SCN3A: variants seen among roughly 807,000 people sequenced by gnomAD.
The protein encoded by SCN3A is sodium voltage-gated channel alpha subunit 3, also known as sodium channel protein type 3 subunit alpha.
SCN3A carries 60 observed loss-of-function variants against 187.6 expected under a neutral mutation model. The observed-to-expected ratio is 0.32, with a 90% CI of 0.26 to 0.40. The LOEUF (loss-of-function observed/expected upper bound fraction) is 0.40, where lower values mean the gene tolerates loss of function less well. Among genes scored for constraint, SCN3A ranks in the 10% least tolerant of loss-of-function variants. The pLI, the probability that SCN3A is intolerant of heterozygous loss-of-function variation, is 1.00. For synonymous variants in SCN3A, 788 were observed against 829.2 expected (o/e 0.95, Z 0.85); for missense variants, 1,601 against 2,428.2 (o/e 0.66, Z 7.16).
At chr2:165,097,615 G>A (rs1322596334) in intron 22 of SCN3A, 91 bp from the exon 23 acceptor site, 8 of 1,484,050 alleles carry the variant, frequency 5.4e-6, no homozygotes, top group Non-Finnish European at 7.4e-6. Flanking sequence ...ATATGTGCTT[G>A]AAAAGAGTTA....
intron 2 of SCN3A, among the ~76,000 whole-genome samples, chr2:165,184,638 A>G (rs565962537): frequency 6.6e-6 from 1 of 152,296 alleles, no homozygotes; most frequent in South Asian, 2.1e-4. Context: ...AATGAGTGGT[A>G]TAATCTAAGA....
At position 165,129,869 on chromosome 2, in the gene SCN3A, T is replaced by C. The variant is rs1687208694; in HGVS notation, c.2922+71A>G. Reference sequence around the variant, plus strand: ...TACTATAAACCAGAGATATGTTTACTACATCTGGCCACGTTCCTAGCTACT... The same window carrying C: ...TACTATAAACCAGAGATATGTTTACCACATCTGGCCACGTTCCTAGCTACT... On this transcript the variant is annotated intron_variant, in intron 17 of 27. Coordinates refer to ENST00000283254, the MANE Select transcript of SCN3A (RefSeq NM_006922.4). The C allele has an allele frequency of 5.7e-6, 9 of 1,582,530 alleles. No homozygotes were observed. In the South Asian group the frequency reaches 1.0e-4, roughly 17 times the overall value.
chr2:165,089,084 A>T lies in SCN3A; in HGVS notation c.*1066T>A, dbSNP rs986319689. The T allele has an allele frequency of 1.3e-5, 2 of 152,566 alleles. No homozygotes were observed. The highest frequency in any genetic ancestry group is 2.4e-5 in the African/African-American group (1 of 41,450). 9.5% of individuals were successfully genotyped at this position (152,566 alleles called of 1,614,324 possible). ...TAACATGCATTAGTGATAGCCTTTAAACTATGTTTAATGAATGATACAGGA... is the reference window on the plus strand; with the variant it reads ...TAACATGCATTAGTGATAGCCTTTATACTATGTTTAATGAATGATACAGGA... On this transcript the variant is annotated 3_prime_UTR_variant, in exon 28 of 28. Coordinates refer to ENST00000283254, the MANE Select transcript of SCN3A (RefSeq NM_006922.4).
chr2:165,164,302 G>C, intron 6 of SCN3A, 90 bp downstream of exon 6: 1 of 1,529,612 alleles, frequency 6.5e-7, no homozygotes, highest in Non-Finnish European at 9.0e-7. Flanking sequence ...TAACAAGAAA[G>C]CTCTACATTT....
chr2:165,140,970 A>C lies in SCN3A; in HGVS notation c.1700T>G (p.Phe567Cys), dbSNP rs1263982159. The C allele has an allele frequency of 1.2e-6, 2 of 1,613,940 alleles. No homozygotes were observed. Among genetic ancestry groups the C allele is most frequent in the African/African-American group, 2.7e-5 (2 of 74,908 alleles). The change falls in exon 13 of 28, where the codon TTT becomes TGT. Residue 567 changes from phenylalanine to cysteine, a missense_variant. Phe to Cys is a radical substitution (Grantham distance 205). Coordinates refer to ENST00000283254, the MANE Select transcript of SCN3A (RefSeq NM_006922.4). The surrounding 1 kb of genome is among the most constrained non-coding windows in gnomAD (Gnocchi z 4.2). ...TGTTTTGCTATTGCGTCTTGGGGAAAACAGGGAGCCACGGATACTCAAGAG... is the reference window on the plus strand; with the variant it reads ...TGTTTTGCTATTGCGTCTTGGGGAACACAGGGAGCCACGGATACTCAAGAG... Reference protein sequence around the residue: ...QSLLSIRGSLFSPRRNSKTSI... With the variant: ...QSLLSIRGSLCSPRRNSKTSI...
At position 165,117,240 on chromosome 2, in the gene SCN3A, T is replaced by A. The variant is rs184010689; in HGVS notation, c.3394-1665A>T. Among the ~76,000 whole-genome samples, 33 of 152,198 alleles carry A rather than the reference T, an allele frequency of 2.2e-4. No homozygotes were observed. In the East Asian group the frequency reaches 6.0e-3, roughly 28 times the overall value. On this transcript the variant is annotated intron_variant, in intron 18 of 27. Coordinates refer to ENST00000283254, the MANE Select transcript of SCN3A (RefSeq NM_006922.4). The stretch of plus-strand genomic sequence containing the variant: ...GAGTGACAGCTATTAATATCCACTT[T>A]ATAAGTAATAACAATAAGAAACCAA...
rs541828441 is a variant in SCN3A at position 165,156,827 on chromosome 2, C to G, written c.1032-924G>C. 2.0e-5 allele frequency among the ~76,000 whole-genome samples: 3 copies of G among 152,174 alleles called. No individual in the cohort carries two copies. The East Asian group carries it at 5.8e-4, about 29-fold the overall frequency. On this transcript the variant is annotated intron_variant, in intron 9 of 27. Transcript: ENST00000283254. ...TTGGCCTCCTGAAGTACTGGGATTACAGGTGCGAGCCACCGCACCCAGCCT... is the reference window on the plus strand; with the variant it reads ...TTGGCCTCCTGAAGTACTGGGATTAGAGGTGCGAGCCACCGCACCCAGCCT...
intron 7 of SCN3A, 134 bp downstream of exon 7, chr2:165,163,484 C>G: frequency 9.2e-7 from 1 of 1,082,366 alleles, no homozygotes; most frequent in Middle Eastern, 2.3e-4. Context: ...GCTAAACTGA[C>G]ATTGAAACAT....
Position 165,146,767 on chromosome 2 carries a change from C to T in SCN3A, c.1643G>A (p.Ser548Asn). 6.2e-7 allele frequency: 1 copy of T among 1,614,020 alleles called. No individual in the cohort carries two copies. The highest frequency in any genetic ancestry group is 8.5e-7 in the Non-Finnish European group (1 of 1,179,930). Reference sequence around the variant, plus strand: ...ATGAGGGGAGCAGAATTTTTTGTCACTGGTCAGTCTGTTTCCATCCATGGA... The same window carrying T: ...ATGAGGGGAGCAGAATTTTTTGTCATTGGTCAGTCTGTTTCCATCCATGGA... Reference protein sequence around the residue: ...LFSMDGNRLTSDKKFCSPHQS... With the variant: ...LFSMDGNRLTNDKKFCSPHQS... Residue 548 changes from serine to asparagine, a missense_variant, in exon 12 of 28, where the codon AGT (serine) becomes AAT (asparagine). By Grantham distance (46) the Ser-to-Asn change is conservative. Around this residue, in one of 11 missense-constraint regions of SCN3A, gnomAD observed 376 missense variants for 476.0 expected, o/e 0.79. Coordinates refer to ENST00000283254, the MANE Select transcript of SCN3A (RefSeq NM_006922.4).
In SCN3A at chr2:165,147,008, C is replaced by T. The variant is rs1335085316; in HGVS notation, c.1402G>A (p.Ala468Thr). The change falls in exon 12 of 28, where the codon GCT becomes ACT. Residue 468 changes from alanine (A) to threonine (T), a missense_variant. This residue lies in a region of SCN3A where 376 missense variants were observed against 476.0 expected (regional missense o/e 0.79). Coordinates refer to ENST00000283254, the MANE Select transcript of SCN3A (RefSeq NM_006922.4). ...CCTATTCCACTGAAATCTCTTGAAGCAGCTGATGCTGCCGCAACTGCCTGT... is the reference window on the plus strand; with the variant it reads ...CCTATTCCACTGAAATCTCTTGAAGTAGCTGATGCTGCCGCAACTGCCTGT... ...EAQAVAAASA[A>T]SRDFSGIGGL... is the part of the protein sequence containing the mutation. The T allele has an allele frequency of 6.2e-7, 1 of 1,613,840 alleles. No homozygotes were observed. The highest frequency in any genetic ancestry group is 1.1e-5 in the South Asian group (1 of 91,084).
At chr2:165,156,508 G>A (rs547805197) in intron 9 of SCN3A, among the ~76,000 whole-genome samples, 97 of 48,342 alleles carry the variant, frequency 2.0e-3, no homozygotes, top group South Asian at 4.3e-3. Flanking sequence ...GCGAGACTCT[G>A]ACTCAAAAAA....
chr2:165,190,955 G>T (rs532383909), intron 1 of SCN3A, among the ~76,000 whole-genome samples: 3 of 151,704 alleles, frequency 2.0e-5, no homozygotes, highest in African/African-American at 7.2e-5. Flanking sequence ...ATATGGCTGG[G>T]ACCCAATTTT....
intron 9 of SCN3A, among the ~76,000 whole-genome samples, chr2:165,156,605 G>A (rs182221731): frequency 6.7e-6 from 1 of 149,308 alleles, no homozygotes; most frequent in Admixed American, 6.7e-5. Context: ...TTCATTAGCT[G>A]GTTTTGTAGA....
At chr2:165,197,988 G>A (rs528540632) in intron 1 of SCN3A, among the ~76,000 whole-genome samples, 17 of 152,050 alleles carry the variant, frequency 1.1e-4, no homozygotes, top group African/African-American at 4.1e-4. Flanking sequence ...AGGTCTCAAG[G>A]ACATGTATAT....
At chr2:165,107,116 G>A (rs1443617719) in intron 21 of SCN3A, among the ~76,000 whole-genome samples, 4 of 152,140 alleles carry the variant, frequency 2.6e-5, no homozygotes, top group African/African-American at 9.7e-5. Flanking sequence ...TGATGAACAT[G>A]TGCAGATAAC....
intron 22 of SCN3A, among the ~76,000 whole-genome samples, chr2:165,098,805 A>G (rs750977198): frequency 6.6e-6 from 1 of 152,196 alleles, no homozygotes; most frequent in Non-Finnish European, 1.5e-5. Context: ...TAAAAATTCT[A>G]AACTTTGAAT....
At position 165,124,287 on chromosome 2, in the gene SCN3A, A is replaced by G. The variant is rs537515564; in HGVS notation, c.3393+3344T>C. On this transcript the variant is annotated intron_variant, in intron 18 of 27. Coordinates refer to ENST00000283254, the MANE Select transcript of SCN3A (RefSeq NM_006922.4). Reference sequence around the variant, plus strand: ...CCATTAAAAAGGCATGATAATTAGCAGTCATTTGAAATATCGGTGGTCATT... The same window carrying G: ...CCATTAAAAAGGCATGATAATTAGCGGTCATTTGAAATATCGGTGGTCATT... 7.2e-5 allele frequency among the ~76,000 whole-genome samples: 11 copies of G among 152,270 alleles called. No homozygotes were observed. The South Asian group carries it at 2.3e-3, about 32-fold the overall frequency.
chr2:165,093,199 G>C (rs1270514598), intron 26 of SCN3A: 4 of 152,164 alleles, frequency 2.6e-5, no homozygotes, highest in Non-Finnish European at 5.9e-5. Context: ...AATATCAACA[G>C]ATATTTAGAT....
intron 18 of SCN3A, among the ~76,000 whole-genome samples, chr2:165,124,144 G>A (rs1295547056): frequency 6.6e-6 from 1 of 151,932 alleles, no homozygotes; most frequent in African/African-American, 2.4e-5. Flanking sequence ...GAAAGAGGAG[G>A]ATAAAGTAGT....
Sources: gnomAD v4.1 joint callset for allele counts (sites outside exome capture counted in the v4.1 genomes callset) on GRCh38, gnomAD v4.1.1 for gene constraint, gnomAD v4.1.1 regional missense constraint, Gnocchi (gnomAD v3.1) non-coding constraint, MANE v1.5 for transcripts, NCBI Gene and HGNC (gene_info 2026-07-23, HGNC 2026-07-21) for gene names.